Variants in DMRT1 observed in about 807,000 individuals in gnomAD.
The protein encoded by DMRT1 is doublesex and mab-3 related transcription factor 1.
A neutral mutation model predicts 32.3 loss-of-function variants in DMRT1; 7 were observed. That is an observed-to-expected ratio of 0.22 (90% confidence interval 0.12 to 0.41). DMRT1 has a LOEUF of 0.41. DMRT1 is among the 10% of genes least tolerant of loss of function. DMRT1 has a pLI of 1.00. For missense variants in DMRT1, 625 were observed against 500.5 expected, an observed-to-expected ratio of 1.25 and a Z score of -2.37; for synonymous variants, 278 against 206.1, an observed-to-expected ratio of 1.35 and a Z score of -2.99.
Position 968,288 on chromosome 9 carries a change from G to A in DMRT1, c.*149G>A. The A allele has an allele frequency of 1.1e-6, 1 of 921,920 alleles. No individual in the cohort carries two copies. Among genetic ancestry groups the A allele is most frequent in the South Asian group, 1.6e-5 (1 of 64,452 alleles). 57.1% of individuals were successfully genotyped at this position (921,920 alleles called of 1,614,324 possible). On this transcript the variant is annotated 3_prime_UTR_variant, in exon 5 of 5. Coordinates refer to ENST00000382276, the MANE Select transcript of DMRT1 (RefSeq NM_021951.3). ...TTCCTTAGAGTTTAGTCCAGAGGCT[G>A]TAACACATTTGTAATACTTTAGGGT... is the stretch of plus-strand genomic sequence containing the variant.
At chr9:949,274 G>A (rs1249549110) in intron 4 of DMRT1, among the ~76,000 whole-genome samples, 2 of 151,962 alleles carry the variant, frequency 1.3e-5, no homozygotes, top group African/African-American at 4.8e-5. Context: ...GCTGAGGCAG[G>A]AGGATCTCGC....
In DMRT1 at chr9:856,883, C is replaced by CT. The variant is rs565176207; in HGVS notation, c.538+9741dup. Among the ~76,000 whole-genome samples the CT allele has an allele frequency of 6.4e-4, 98 of 152,316 alleles. 1 individual carries two copies. Among genetic ancestry groups the CT allele is most frequent in the African/African-American group, 2.3e-3 (94 of 41,572 alleles). On this transcript the variant is annotated intron_variant, in intron 2 of 4. Coordinates refer to ENST00000382276, the MANE Select transcript of DMRT1 (RefSeq NM_021951.3). The stretch of plus-strand genomic sequence containing the variant: ...CTATGAGGGTTCCAGAAAATTGAAA[C>CT]TAAGTTTTTTTAAGTTACAAGGGAA...
chr9:858,880 T>G (rs1281900964), intron 2 of DMRT1, among the ~76,000 whole-genome samples: 1 of 141,266 alleles, frequency 7.1e-6, no homozygotes, highest in African/African-American at 2.9e-5. Flanking sequence ...AATATATATA[T>G]ATATATATAT....
intron 4 of DMRT1, among the ~76,000 whole-genome samples, chr9:940,907 T>C (rs1819044209): frequency 6.6e-6 from 1 of 152,176 alleles, no homozygotes; most frequent in Non-Finnish European, 1.5e-5. Flanking sequence ...CCAAAGAAGA[T>C]ATAGTAATGG....
At chr9:861,765 CG>C (rs1815696387) in intron 2 of DMRT1, among the ~76,000 whole-genome samples, 39 of 145,090 alleles carry the variant, frequency 2.7e-4, no homozygotes, top group Admixed American at 2.6e-3. Context: ...GGCTGCTGGG[CG>C]GAGATGCTCC....
intron 3 of DMRT1, 87 bp downstream of exon 3, chr9:894,282 C>T: frequency 7.0e-7 from 1 of 1,437,706 alleles, no homozygotes; most frequent in Non-Finnish European, 9.7e-7. Context: ...CAGAGGCACA[C>T]ACGCACTTGT....
chr9:894,313 G>A (rs937817881), intron 3 of DMRT1, 118 bp downstream of exon 3: 11 of 1,089,930 alleles, frequency 1.0e-5, no homozygotes, highest in Non-Finnish European at 1.5e-5. Flanking sequence ...GCACACACAG[G>A]TGACACACAC....
intron 3 of DMRT1, among the ~76,000 whole-genome samples, chr9:909,939 C>T (rs1247088044): frequency 6.6e-6 from 1 of 152,106 alleles, no homozygotes; most frequent in African/African-American, 2.4e-5. Context: ...TTCTCCAACC[C>T]CCGGGCTCAA....
chr9:904,669 G>A (rs1817702458), intron 3 of DMRT1, among the ~76,000 whole-genome samples: 1 of 152,234 alleles, frequency 6.6e-6, no homozygotes, highest in Non-Finnish European at 1.5e-5. Flanking sequence ...ATGTGGCCGG[G>A]TGCTATGGCT....
intron 2 of DMRT1, among the ~76,000 whole-genome samples, chr9:849,520 CT>C (rs983077932): frequency 3.9e-5 from 6 of 152,268 alleles, no homozygotes; most frequent in African/African-American, 1.4e-4. Flanking sequence ...TAGAGAAGGA[CT>C]TTAGGCTATG....
rs995195556 is a variant in DMRT1 at position 888,461 on chromosome 9, C to G, written c.539-5451C>G. 4.6e-5 allele frequency among the ~76,000 whole-genome samples: 7 copies of G among 152,282 alleles called. No homozygotes were observed. The East Asian group carries it at 1.2e-3, about 25-fold the overall frequency. ...GGCTGGGACTACAGGCATGCACCAC[C>G]ATGCCCAGCCAATTTTTATATGTTT... On this transcript the variant is annotated intron_variant, in intron 2 of 4. Coordinates refer to ENST00000382276, the MANE Select transcript of DMRT1 (RefSeq NM_021951.3).
chr9:909,789 T>C (rs570078910), intron 3 of DMRT1, among the ~76,000 whole-genome samples: 1 of 152,300 alleles, frequency 6.6e-6, no homozygotes, highest in East Asian at 1.9e-4. Context: ...CATAGCTTAC[T>C]GCAGCCTTGA....
At chr9:905,559 C>T (rs1885774) in intron 3 of DMRT1, among the ~76,000 whole-genome samples, 99,588 of 150,894 alleles carry the variant, frequency 0.66, 34,652 homozygotes, top group Middle Eastern at 0.79. Context: ...CTTAAAATCA[C>T]CTTTAAAGTG....
intron 3 of DMRT1, chr9:894,456 A>G (rs1260989563): frequency 3.6e-6 from 2 of 548,406 alleles, no homozygotes; most frequent in Non-Finnish European, 6.6e-6. Flanking sequence ...TTGGAAAGAA[A>G]TAATGTACAA....
intron 2 of DMRT1, among the ~76,000 whole-genome samples, chr9:874,120 G>A (rs1816392361): frequency 6.6e-6 from 1 of 152,222 alleles, no homozygotes; most frequent in Non-Finnish European, 1.5e-5. Context: ...TCTCAGCTTT[G>A]AATAGGGGGT....
intron 3 of DMRT1, among the ~76,000 whole-genome samples, chr9:907,827 A>ATGTGTG (rs1258573965): frequency 9.1e-4 from 53 of 58,230 alleles, no homozygotes; most frequent in Middle Eastern, 0.012. Context: ...TCTAAAATAT[A>ATGTGTG]TATGTGTGTG....
intron 2 of DMRT1, among the ~76,000 whole-genome samples, chr9:849,685 C>A (rs1027529412): frequency 6.6e-6 from 1 of 152,344 alleles, no homozygotes; most frequent in African/African-American, 2.4e-5. Context: ...ACCTTGGAGT[C>A]ATTCTACAGC....
At chr9:938,226 C>A (rs1386172594) in intron 4 of DMRT1, among the ~76,000 whole-genome samples, 3 of 151,896 alleles carry the variant, frequency 2.0e-5, no homozygotes, top group South Asian at 2.1e-4. Context: ...TAATTTTGTT[C>A]TTTCTTTTCA....
intron 2 of DMRT1, among the ~76,000 whole-genome samples, chr9:852,206 G>A (rs1343372274): frequency 6.6e-6 from 1 of 151,714 alleles, no homozygotes; most frequent in African/African-American, 2.4e-5. Context: ...CAAAGTGCTG[G>A]GATTACAGGT....
Sources: gnomAD v4.1 joint callset for allele counts (sites outside exome capture counted in the v4.1 genomes callset) on GRCh38, gnomAD v4.1.1 for gene constraint, MANE v1.5 for transcripts, NCBI Gene and HGNC (gene_info 2026-07-23, HGNC 2026-07-21) for gene names.